SRGAP1: variants seen among roughly 807,000 people sequenced by gnomAD.
SRGAP1 encodes SLIT-ROBO Rho GTPase-activating protein 1.
SRGAP1 carries 43 observed loss-of-function variants against 121.9 expected under a neutral mutation model. The observed-to-expected ratio is 0.35, with a 90% CI of 0.28 to 0.46. The LOEUF (loss-of-function observed/expected upper bound fraction) is 0.46, where lower values mean the gene tolerates loss of function less well. Ranked by LOEUF, SRGAP1 falls within the 20% of genes least tolerant of loss-of-function variation. SRGAP1 has a pLI of 1.00. For synonymous variants in SRGAP1, 447 were observed against 485.4 expected (o/e 0.92, Z 1.04); for missense variants, 1,102 against 1,350.9 (o/e 0.82, Z 2.89).
chr12:63,871,414 A>G (rs1281193895), intron 1 of SRGAP1, among the ~76,000 whole-genome samples: 1 of 152,174 alleles, frequency 6.6e-6, no homozygotes, highest in Non-Finnish European at 1.5e-5. Context: ...TAATGGTTCA[A>G]TTTCCCTGCA....
chr12:64,141,446 G>C (rs1368281410), intron 21 of SRGAP1, among the ~76,000 whole-genome samples: 2 of 151,870 alleles, frequency 1.3e-5, no homozygotes, highest in African/African-American at 2.4e-5. Flanking sequence ...CGGGCGTGGT[G>C]GTGGGCGCCT....
At chr12:64,009,068 G>A (rs1311791763) in intron 3 of SRGAP1, among the ~76,000 whole-genome samples, 1 of 152,084 alleles carries the variant, frequency 6.6e-6, no homozygotes, top group Admixed American at 6.6e-5. Context: ...AAATTTGCAG[G>A]CTCAAGTTCA....
rs1378481578 is a variant in SRGAP1, at chr12:64,127,664, A to G, written c.2480A>G (p.Lys827Arg). The G allele has an allele frequency of 1.9e-6, 3 of 1,614,134 alleles. No homozygotes were observed. The highest frequency in any genetic ancestry group is 1.7e-5 in the Admixed American group (1 of 60,028). ...AGCAGTGGGCCAGTCACGGAAGACA[A>G]GTCCTCATCCAAGGACATGAACTCC... ...EASSGPVTEDKSSSKDMNSPT... is the reference protein window; with the variant it reads ...EASSGPVTEDRSSSKDMNSPT... The change falls in exon 20 of 22, where the codon AAG becomes AGG. Residue 827 changes from lysine to arginine, a missense_variant. Coordinates refer to ENST00000355086, the MANE Select transcript of SRGAP1 (RefSeq NM_020762.4).
intron 16 of SRGAP1, 26 bp downstream of exon 16, chr12:64,109,063 A>G (rs2036390527): frequency 1.4e-6 from 2 of 1,424,006 alleles, no homozygotes; most frequent in East Asian, 4.8e-5. Context: ...CTCTGACAAA[A>G]GGCCCATCTG....
At chr12:64,051,486 T>C (rs2035238539) in intron 6 of SRGAP1, among the ~76,000 whole-genome samples, 1 of 152,206 alleles carries the variant, frequency 6.6e-6, no homozygotes, top group Admixed American at 6.5e-5. Context: ...ATTAATAATG[T>C]AAACTAAAGG....
In SRGAP1 at chr12:63,957,150, G is replaced by C. The variant is rs139525637; in HGVS notation, c.68-26797G>C. Among the ~76,000 whole-genome samples, 335 of 152,132 alleles carry C rather than the reference G, an allele frequency of 2.2e-3. 2 individuals carry two copies. The highest frequency in any genetic ancestry group is 0.01 in the Middle Eastern group (3 of 292). ...CCATTTGAGTCATTTTTACTTTTTGGTTATATGAATAACGCTGCTGTAAAC... is the reference window on the plus strand; with the variant it reads ...CCATTTGAGTCATTTTTACTTTTTGCTTATATGAATAACGCTGCTGTAAAC... On this transcript the variant is annotated intron_variant, in intron 1 of 21. Coordinates refer to ENST00000355086, the MANE Select transcript of SRGAP1 (RefSeq NM_020762.4).
At chr12:64,037,003 T>C (rs909627166) in intron 4 of SRGAP1, among the ~76,000 whole-genome samples, 8 of 152,222 alleles carry the variant, frequency 5.3e-5, no homozygotes, top group Admixed American at 1.3e-4. Flanking sequence ...AGACTCTGAA[T>C]GAAGAGCTGT....
At chr12:64,059,723 C>T (rs2035411017) in intron 6 of SRGAP1, among the ~76,000 whole-genome samples, 2 of 152,062 alleles carry the variant, frequency 1.3e-5, no homozygotes, top group African/African-American at 4.8e-5. Flanking sequence ...TCCACACAAC[C>T]ATTATAGATT....
Position 64,127,570 on chromosome 12 carries a change from C to A in SRGAP1, c.2406-20C>A. On this transcript the variant is annotated intron_variant, in intron 19 of 21. Coordinates refer to ENST00000355086, the MANE Select transcript of SRGAP1 (RefSeq NM_020762.4). ...TTGTAAATCTAGTAAATTTTGTCTC[C>A]ATTCCTCTTACTGCTTCAGGGATGA... is the stretch of plus-strand genomic sequence containing the variant. 2 of 1,586,230 alleles carry A rather than the reference C, an allele frequency of 1.3e-6. No individual in the cohort carries two copies. The highest frequency in any genetic ancestry group is 1.7e-6 in the Non-Finnish European group (2 of 1,165,560).
intron 1 of SRGAP1, among the ~76,000 whole-genome samples, chr12:63,889,411 G>A (rs545829968): frequency 3.9e-5 from 6 of 152,202 alleles, no homozygotes; most frequent in South Asian, 2.1e-4. Context: ...GGTGATCCCC[G>A]TTCCTATTCC....
intron 21 of SRGAP1, 86 bp downstream of exon 21, chr12:64,128,286 C>T: frequency 8.2e-7 from 1 of 1,221,104 alleles, no homozygotes; most frequent in African/African-American, 1.5e-5. Flanking sequence ...TTACTTTTTA[C>T]TTTATTTACT....
At position 64,071,337 on chromosome 12, in the gene SRGAP1, C is replaced by T. The variant is rs558458085; in HGVS notation, c.1125+6118C>T. On this transcript the variant is annotated intron_variant, in intron 8 of 21. Transcript: ENST00000355086. ...AGGATGGCTCTCAGTGGAGAAACCA[C>T]TCGTTTTCTCTGATGCACTGAGCAT... 5.3e-5 allele frequency among the ~76,000 whole-genome samples: 8 copies of T among 152,286 alleles called. No homozygotes were observed. In the East Asian group the frequency reaches 1.4e-3, roughly 26 times the overall value.
At chr12:63,977,783 A>G (rs1445224896) in intron 1 of SRGAP1, among the ~76,000 whole-genome samples, 1 of 152,114 alleles carries the variant, frequency 6.6e-6, no homozygotes, top group Non-Finnish European at 1.5e-5. Flanking sequence ...GCTCTGGTAG[A>G]ACAGAAATGA....
intron 18 of SRGAP1, among the ~76,000 whole-genome samples, chr12:64,121,162 C>T (rs1405821159): frequency 6.6e-6 from 1 of 151,872 alleles, no homozygotes; most frequent in East Asian, 1.9e-4. Context: ...CATAGGCATG[C>T]ACCACCATGC....
chr12:64,003,552 A>C (rs1481054675), intron 3 of SRGAP1, among the ~76,000 whole-genome samples: 3 of 152,134 alleles, frequency 2.0e-5, no homozygotes, highest in Admixed American at 6.6e-5. Context: ...AACAACAACA[A>C]AAAAATTCAT....
At chr12:64,063,251 T>C in intron 7 of SRGAP1, 113 bp downstream of exon 7, 1 of 943,236 alleles carries the variant, frequency 1.1e-6, no homozygotes, top group South Asian at 1.7e-5. Context: ...TCTCCTGTCC[T>C]TGCAGAGGCT....
At chr12:63,975,597 T>C (rs774440027) in intron 1 of SRGAP1, among the ~76,000 whole-genome samples, 11 of 152,248 alleles carry the variant, frequency 7.2e-5, no homozygotes, top group Non-Finnish European at 1.0e-4. Flanking sequence ...TTCTTTTTTT[T>C]CTCATAAGAT....
intron 21 of SRGAP1, among the ~76,000 whole-genome samples, chr12:64,132,374 C>T (rs1238439151): frequency 2.0e-5 from 3 of 152,164 alleles, no homozygotes; most frequent in East Asian, 3.9e-4. Context: ...GCAGCCTGGA[C>T]CTGTTGCAGA....
rs2037133581 is a variant in SRGAP1 at position 64,152,969 on chromosome 12, A to G, written c.*10297A>G. ...ATAAGCCAACAGCTAAACCGGCAAA[A>G]TAATTTCAGGTGTTGATAACTGCTA... On this transcript the variant is annotated 3_prime_UTR_variant, in exon 22 of 22. Coordinates refer to ENST00000355086, the MANE Select transcript of SRGAP1 (RefSeq NM_020762.4). The G allele has an allele frequency of 1.3e-5, 2 of 152,038 alleles. No homozygotes were observed. Among genetic ancestry groups the G allele is most frequent in the South Asian group, 4.1e-4 (2 of 4,820 alleles). The allele number at this position is 152,038 out of a possible 1,614,324, so 9.4% of individuals were successfully genotyped here. A position where few individuals can be genotyped will look rare whatever the true frequency, so the allele number is the denominator to read the frequency against.
Sources: allele counts gnomAD v4.1 joint callset (sites outside exome capture counted in the v4.1 genomes callset), GRCh38; gene constraint gnomAD v4.1.1; transcripts MANE v1.5; gene names NCBI Gene and HGNC (gene_info 2026-07-23, HGNC 2026-07-21).